PRCC: variants seen among roughly 807,000 people sequenced by gnomAD.
PRCC encodes the protein proline-rich protein PRCC.
PRCC carries 10 observed loss-of-function variants against 44.0 expected under a neutral mutation model. The ratio of observed to expected loss-of-function variants is 0.23; its 90% confidence interval spans 0.14 to 0.39. PRCC has a LOEUF of 0.39. PRCC is among the 10% of genes least tolerant of loss of function. The pLI, the probability that PRCC is intolerant of heterozygous loss-of-function variation, is 1.00. For synonymous variants in PRCC, 278 were observed against 259.5 expected (o/e 1.07, Z -0.69); for missense variants, 573 against 624.7 (o/e 0.92, Z 0.88).
intron 3 of PRCC, 100 bp from the exon 4 acceptor site, chr1:156,791,597 T>G (rs1181848924): frequency 3.7e-6 from 4 of 1,072,766 alleles, no homozygotes; most frequent in Non-Finnish European, 5.4e-6. Context: ...ATCTCACCAT[T>G]GCCTCTTTGA....
At chr1:156,768,688 G>A (rs2102749004) in intron 1 of PRCC, among the ~76,000 whole-genome samples, 1 of 152,334 alleles carries the variant, frequency 6.6e-6, no homozygotes, top group East Asian at 1.9e-4. Flanking sequence ...AGGCCTGGAG[G>A]AAAATGATAG....
chr1:156,788,132 G>T (rs1374593540), intron 3 of PRCC, among the ~76,000 whole-genome samples: 2 of 152,198 alleles, frequency 1.3e-5, no homozygotes, highest in Non-Finnish European at 2.9e-5. Context: ...ACCACACTTG[G>T]CTGTAATAGG....
chr1:156,779,193 C>T (rs1198438372), intron 1 of PRCC, among the ~76,000 whole-genome samples: 1 of 104,854 alleles, frequency 9.5e-6, no homozygotes, highest in East Asian at 3.1e-4. Flanking sequence ...CTTACTCTGT[C>T]ACCCAGGCTG....
Position 156,795,513 on chromosome 1 carries a change from C to T in PRCC, c.1323+705C>T, listed in dbSNP as rs370714507. On this transcript the variant is annotated intron_variant, in intron 5 of 6. Transcript: ENST00000271526. Reference sequence around the variant, plus strand: ...CGGGCTGGTCTCGAACTCCTGGCCTCGAGTGATCCACCTACCCTGGCCTTG... The same window carrying T: ...CGGGCTGGTCTCGAACTCCTGGCCTTGAGTGATCCACCTACCCTGGCCTTG... Among the ~76,000 whole-genome samples the T allele has an allele frequency of 7.2e-5, 11 of 152,102 alleles. No homozygotes were observed. In the East Asian group the frequency reaches 1.2e-3, roughly 16 times the overall value.
chr1:156,779,617 C>T (rs1651978259), intron 1 of PRCC, among the ~76,000 whole-genome samples: 1 of 152,102 alleles, frequency 6.6e-6, no homozygotes, highest in South Asian at 2.1e-4. Flanking sequence ...GACCTGTCTT[C>T]CTTGGCCTCC....
chr1:156,780,025 G>T (rs1044171441), intron 1 of PRCC, among the ~76,000 whole-genome samples: 1 of 151,974 alleles, frequency 6.6e-6, no homozygotes, highest in Non-Finnish European at 1.5e-5. Context: ...CGAGAAGTGC[G>T]CACCACCACG....
intron 1 of PRCC, among the ~76,000 whole-genome samples, chr1:156,773,227 A>G (rs1651697314): frequency 6.6e-6 from 1 of 152,100 alleles, no homozygotes; most frequent in Non-Finnish European, 1.5e-5. Flanking sequence ...CCTGGAAGCT[A>G]GTGATTGCTT....
At chr1:156,797,206 AC>A (rs1652686976) in intron 5 of PRCC, 69 bp from the exon 6 acceptor site, 2 of 1,595,220 alleles carry the variant, frequency 1.3e-6, no homozygotes, top group South Asian at 2.2e-5. Flanking sequence ...CTAACACCAC[AC>A]CATCTGGGCA....
intron 5 of PRCC, among the ~76,000 whole-genome samples, chr1:156,795,314 G>T (rs1314840947): frequency 5.1e-5 from 2 of 39,448 alleles, no homozygotes; most frequent in Non-Finnish European, 8.5e-5. Context: ...TTTTTTCAGA[G>T]TCTCACTCTG....
chr1:156,776,166 C>T (rs1267423550), intron 1 of PRCC, among the ~76,000 whole-genome samples: 3 of 152,242 alleles, frequency 2.0e-5, no homozygotes, highest in East Asian at 1.9e-4. Context: ...GATCAGCCTG[C>T]GCAACAGAGT....
chr1:156,767,688 G>T lies in PRCC; in HGVS notation c.-84G>T. The T allele has an allele frequency of 7.2e-7, 1 of 1,383,052 alleles. No homozygotes were observed. Among genetic ancestry groups the T allele is most frequent in the South Asian group, 1.5e-5 (1 of 67,088 alleles). 85.7% of individuals were successfully genotyped at this position (1,383,052 alleles called of 1,614,324 possible). On this transcript the variant is annotated 5_prime_UTR_variant, in exon 1 of 7. Coordinates refer to ENST00000271526, the MANE Select transcript of PRCC (RefSeq NM_005973.5). ...TTTCGGTTCCCCGCCCCGCCAGGTG[G>T]CGGGGCCTACTAGGCCTCCGGGCAT...
chr1:156,767,574 A>T lies in PRCC; in HGVS notation c.-198A>T. The T allele has an allele frequency of 1.7e-6, 1 of 601,948 alleles. No homozygotes were observed. The highest frequency in any genetic ancestry group is 2.9e-6 in the Non-Finnish European group (1 of 345,242). The allele number at this position is 601,948 out of a possible 1,614,324, so 37.3% of individuals were successfully genotyped here. The stretch of plus-strand genomic sequence containing the variant: ...TGTAGTTGCCCGGGACTAGGAGCTT[A>T]AGTGAAGAGGTACGCCTTGTTCGGT... On this transcript the variant is annotated 5_prime_UTR_variant, in exon 1 of 7. Coordinates refer to ENST00000271526, the MANE Select transcript of PRCC (RefSeq NM_005973.5).
intron 3 of PRCC, among the ~76,000 whole-genome samples, chr1:156,790,716 A>G (rs1021674367): frequency 3.9e-5 from 6 of 152,246 alleles, no homozygotes; most frequent in African/African-American, 1.2e-4. Flanking sequence ...TTGGAATTCT[A>G]TATGCAGTTA....
chr1:156,783,687 G>A lies in PRCC; in HGVS notation c.516+1358G>A, dbSNP rs370444456. ...CTTGAACCCGTGAGGTGGAAATTGC[G>A]GTGAGCTGAGATCGTGCCACTGCAC... is the stretch of plus-strand genomic sequence containing the variant. On this transcript the variant is annotated intron_variant, in intron 2 of 6. Coordinates refer to ENST00000271526, the MANE Select transcript of PRCC (RefSeq NM_005973.5). Among the ~76,000 whole-genome samples, 4 of 151,940 alleles carry A rather than the reference G, an allele frequency of 2.6e-5. No individual in the cohort carries two copies. In the East Asian group the frequency reaches 5.8e-4, roughly 22 times the overall value.
intron 5 of PRCC, 128 bp downstream of exon 5, chr1:156,794,936 A>T (rs1422939228): frequency 1.6e-6 from 2 of 1,247,292 alleles, no homozygotes; most frequent in Admixed American, 4.3e-5. Context: ...CATTTTGCCC[A>T]TGGTACTGGA....
rs1166671532 is a variant in PRCC, at chr1:156,783,965, G to A, written c.516+1636G>A. 6.6e-5 allele frequency among the ~76,000 whole-genome samples: 10 copies of A among 150,782 alleles called. No individual in the cohort carries two copies. The East Asian group carries it at 1.8e-3, about 27-fold the overall frequency. ...TTATTTAATTTTTTTTTTTTTGGGG[G>A]GGACGGAGTCTCGCTCTACCGCCCA... On this transcript the variant is annotated intron_variant, in intron 2 of 6. Transcript: ENST00000271526.
Position 156,775,910 on chromosome 1 carries a change from A to G in PRCC, c.469-6372A>G, listed in dbSNP as rs151084922. Among the ~76,000 whole-genome samples the G allele has an allele frequency of 1.1e-3, 174 of 152,276 alleles. 1 individual carries two copies. Among genetic ancestry groups the G allele is most frequent in the African/African-American group, 3.9e-3 (163 of 41,566 alleles). On this transcript the variant is annotated intron_variant, in intron 1 of 6. Transcript: ENST00000271526. ...AGTCCTCCCATCTGGGCCTCCCCAA[A>G]TGCTGGGATTATAGGGGTGAACCAC...
intron 6 of PRCC, 42 bp downstream of exon 6, chr1:156,797,383 T>A: frequency 1.9e-6 from 3 of 1,609,848 alleles, no homozygotes; most frequent in Non-Finnish European, 2.5e-6. Context: ...AGGATCTCTG[T>A]AAATCTGGGA....
intron 3 of PRCC, 42 bp downstream of exon 3, chr1:156,787,216 C>A: frequency 6.5e-7 from 1 of 1,548,168 alleles, no homozygotes; most frequent in Non-Finnish European, 8.8e-7. Flanking sequence ...AATGTTGGAA[C>A]ATGGTGGTCA....
Sources: allele counts gnomAD v4.1 joint callset (sites outside exome capture counted in the v4.1 genomes callset), GRCh38; gene constraint gnomAD v4.1.1; transcripts MANE v1.5; gene names NCBI Gene and HGNC (gene_info 2026-07-23, HGNC 2026-07-21).